MAP2K5: variants seen among roughly 807,000 people sequenced by gnomAD.
The protein encoded by MAP2K5 is dual specificity mitogen-activated protein kinase kinase 5.
MAP2K5 carries 49 observed loss-of-function variants against 83.1 expected under a neutral mutation model. The ratio of observed to expected loss-of-function variants is 0.59; its 90% CI spans 0.47 to 0.75. The LOEUF is 0.75. Among genes scored for constraint, MAP2K5 ranks in the 30% least tolerant of loss-of-function variants. The probability of loss-of-function intolerance (pLI) is 0.00; values close to 1 mark genes in which losing one functional copy is unlikely to be tolerated. For synonymous variants in MAP2K5, 202 were observed against 191.8 expected (o/e 1.05, Z -0.44); for missense variants, 457 against 557.5 (o/e 0.82, Z 1.82).
chr15:67,739,883 A>G (rs1027884438), intron 17 of MAP2K5, among the ~76,000 whole-genome samples: 10 of 152,178 alleles, frequency 6.6e-5, no homozygotes, highest in African/African-American at 2.4e-4. Context: ...ATATCATGGT[A>G]AAAAAATGTT....
intron 21 of MAP2K5, among the ~76,000 whole-genome samples, chr15:67,784,799 A>G (rs1201847370): frequency 6.6e-6 from 1 of 152,202 alleles, no homozygotes; most frequent in East Asian, 1.9e-4. Context: ...CATCATGGGT[A>G]TAGAAATGGG....
chr15:67,570,781 T>C (rs191580815), intron 3 of MAP2K5, among the ~76,000 whole-genome samples: 5 of 152,346 alleles, frequency 3.3e-5, no homozygotes, highest in Admixed American at 2.0e-4. Context: ...GTTAGTTTAT[T>C]GATTATTGCT....
intron 19 of MAP2K5, among the ~76,000 whole-genome samples, chr15:67,759,802 G>A (rs1461190274): frequency 6.6e-6 from 1 of 152,166 alleles, no homozygotes; most frequent in Non-Finnish European, 1.5e-5. Flanking sequence ...TCTGACTATA[G>A]TGATTAACTC....
chr15:67,597,608 C>T (rs2085556256), intron 7 of MAP2K5, among the ~76,000 whole-genome samples: 1 of 152,208 alleles, frequency 6.6e-6, no homozygotes, highest in African/African-American at 2.4e-5. Context: ...ATAATGAACA[C>T]TCTTCCTATG....
rs1409090257 is a variant in MAP2K5, at chr15:67,638,119, A to G, written c.585+7192A>G. ...AGGGGTACATGTGCAGGTTTGTTAT[A>G]TAAGTATACTTGTGCCATGGGGGTT... On this transcript the variant is annotated intron_variant, in intron 9 of 21. Transcript: ENST00000178640. The surrounding 1 kb of genome is among the most constrained non-coding windows in gnomAD (Gnocchi z 4.5). 6.6e-6 allele frequency among the ~76,000 whole-genome samples: 1 copy of G among 152,026 alleles called. No individual in the cohort carries two copies. The highest frequency in any genetic ancestry group is 1.9e-4 in the East Asian group (1 of 5,184).
In MAP2K5 at chr15:67,781,309, C is replaced by T. The variant is rs1316113713; in HGVS notation, c.1242+8557C>T. On this transcript the variant is annotated intron_variant, in intron 21 of 21. Transcript: ENST00000178640. The surrounding 1 kb of genome is among the most constrained non-coding windows in gnomAD (Gnocchi z 4.0). ...GAGCTGGGGAAAATATTAGAAAGCTCCTATTTACAGTTGTGCCAGCTGGAT... is the reference window on the plus strand; with the variant it reads ...GAGCTGGGGAAAATATTAGAAAGCTTCTATTTACAGTTGTGCCAGCTGGAT... 6.6e-6 allele frequency among the ~76,000 whole-genome samples: 1 copy of T among 152,096 alleles called. No homozygotes were observed. The highest frequency in any genetic ancestry group is 6.5e-5 in the Admixed American group (1 of 15,268).
chr15:67,681,652 A>G (rs72751407), intron 13 of MAP2K5, among the ~76,000 whole-genome samples: 21,321 of 152,172 alleles, frequency 0.14, 1,601 homozygotes, highest in East Asian at 0.22. Context: ...TTAAATTAGG[A>G]AACACCTAAA....
intron 15 of MAP2K5, among the ~76,000 whole-genome samples, chr15:67,701,421 A>G (rs554518516): frequency 1.3e-5 from 2 of 152,306 alleles, no homozygotes; most frequent in South Asian, 4.2e-4. Context: ...CCTCTTAGGA[A>G]AAATAGACTA....
rs2085098130 is a variant in MAP2K5, at chr15:67,577,936, G to A, written c.253-2818G>A. On this transcript the variant is annotated intron_variant, in intron 3 of 21. Transcript: ENST00000178640. This position sits in a 1 kb window ranked among gnomAD's most constrained non-coding sequence, Gnocchi z 4.1. ...AATTGCTTGAACCTGGGAGGTGTAG[G>A]TTGCAGTGGGCCAAGATTGTGCCAC... Among the ~76,000 whole-genome samples, 2 of 152,080 alleles carry A rather than the reference G, an allele frequency of 1.3e-5. No individual in the cohort carries two copies. The highest frequency in any genetic ancestry group is 2.9e-5 in the Non-Finnish European group (2 of 68,004).
Position 67,708,304 on chromosome 15 carries a change from C to A in MAP2K5, c.1044+4896C>A, listed in dbSNP as rs1486061740. ...CACCACCACACTCCAGCCTAGTCAACAGAGCAAGATGCTGTCTTAAAAAAA... is the reference window on the plus strand; with the variant it reads ...CACCACCACACTCCAGCCTAGTCAAAAGAGCAAGATGCTGTCTTAAAAAAA... On this transcript the variant is annotated intron_variant, in intron 16 of 21. Transcript: ENST00000178640. The surrounding 1 kb of genome is among the most constrained non-coding windows in gnomAD (Gnocchi z 4.9). 6.6e-6 allele frequency among the ~76,000 whole-genome samples: 1 copy of A among 151,008 alleles called. No homozygotes were observed. The highest frequency in any genetic ancestry group is 1.5e-5 in the Non-Finnish European group (1 of 67,882).
Position 67,752,309 on chromosome 15 carries a change from C to T in MAP2K5, c.1134+3708C>T, listed in dbSNP as rs371391649. 4.9e-4 allele frequency among the ~76,000 whole-genome samples: 74 copies of T among 151,886 alleles called. No homozygotes were observed. In the South Asian group the frequency reaches 5.6e-3, roughly 12 times the overall value. ...CTCGAACTCCTGACCTCAAGTGATC[C>T]GCCTACCTTGGCCTCCCAAAGTGCT... is the stretch of plus-strand genomic sequence containing the variant. On this transcript the variant is annotated intron_variant, in intron 19 of 21. Coordinates refer to ENST00000178640, the MANE Select transcript of MAP2K5 (RefSeq NM_145160.3).
chr15:67,776,849 A>G (rs1310841517), intron 21 of MAP2K5, among the ~76,000 whole-genome samples: 1 of 152,144 alleles, frequency 6.6e-6, no homozygotes. Flanking sequence ...TTCACTGTGT[A>G]ACCTCAGCCA....
intron 9 of MAP2K5, among the ~76,000 whole-genome samples, chr15:67,632,628 A>C (rs921502499): frequency 6.6e-6 from 1 of 152,176 alleles, no homozygotes; most frequent in African/African-American, 2.4e-5. Flanking sequence ...TCTGATCTTC[A>C]TCTATCTTTT....
At chr15:67,684,033 T>G (rs570164535) in intron 13 of MAP2K5, among the ~76,000 whole-genome samples, 307 of 151,744 alleles carry the variant, frequency 2.0e-3, no homozygotes, top group Non-Finnish European at 3.1e-3. Flanking sequence ...GAATTTGGAG[T>G]TCAAGGAGAC....
rs1206113084 is a variant in MAP2K5 at position 67,724,868 on chromosome 15, G to A, written c.1045-3048G>A. Among the ~76,000 whole-genome samples the A allele has an allele frequency of 6.6e-6, 1 of 152,224 alleles. No individual in the cohort carries two copies. The highest frequency in any genetic ancestry group is 1.5e-5 in the Non-Finnish European group (1 of 68,022). Reference sequence around the variant, plus strand: ...GATTCCCAAGTCTTTCAACAGCCCAGTGGTGACACTCTGTAAGAGAGGAAG... The same window carrying A: ...GATTCCCAAGTCTTTCAACAGCCCAATGGTGACACTCTGTAAGAGAGGAAG... On this transcript the variant is annotated intron_variant, in intron 16 of 21. Coordinates refer to ENST00000178640, the MANE Select transcript of MAP2K5 (RefSeq NM_145160.3). The surrounding 1 kb of genome is among the most constrained non-coding windows in gnomAD (Gnocchi z 4.4).
At position 67,580,885 on chromosome 15, in the gene MAP2K5, A is replaced by G. The variant is rs550512375; in HGVS notation, c.322+62A>G. On this transcript the variant is annotated intron_variant, in intron 4 of 21. Transcript: ENST00000178640. ...TCAGTAAACTGTTTCATCAACAGTT[A>G]TGTTTCCAAAGGTTTAAATGCACAT... 3.5e-5 allele frequency: 39 copies of G among 1,106,468 alleles called. No homozygotes were observed. The East Asian group carries it at 8.8e-4, about 25-fold the overall frequency. 68.5% of individuals were successfully genotyped at this position (1,106,468 alleles called of 1,614,324 possible).
Position 67,563,142 on chromosome 15 carries a change from C to A in MAP2K5, c.185-141C>A. On this transcript the variant is annotated intron_variant, in intron 2 of 21. Coordinates refer to ENST00000178640, the MANE Select transcript of MAP2K5 (RefSeq NM_145160.3). This position sits in a 1 kb window ranked among gnomAD's most constrained non-coding sequence, Gnocchi z 4.5. The stretch of plus-strand genomic sequence containing the variant: ...ATATTCCAAATGGAAAACAAAACAA[C>A]AAACTAATAATGTCAACATACCCCC... The A allele has an allele frequency of 1.1e-6, 1 of 878,234 alleles. No homozygotes were observed. Among genetic ancestry groups the A allele is most frequent in the Non-Finnish European group, 1.6e-6 (1 of 619,412 alleles). The allele number at this position is 878,234 out of a possible 1,614,324, so 54.4% of individuals were successfully genotyped here. A position where few individuals can be genotyped will look rare whatever the true frequency, so the allele number is the denominator to read the frequency against.
intron 12 of MAP2K5, among the ~76,000 whole-genome samples, chr15:67,661,145 A>G (rs928617952): frequency 2.6e-5 from 4 of 152,054 alleles, no homozygotes; most frequent in Non-Finnish European, 4.4e-5. Context: ...ATGTATGGCA[A>G]GAGAGTTTTT....
At chr15:67,654,299 A>G (rs1187401704) in intron 11 of MAP2K5, among the ~76,000 whole-genome samples, 2 of 152,146 alleles carry the variant, frequency 1.3e-5, no homozygotes, top group African/African-American at 4.8e-5. Context: ...TCTAGTAACA[A>G]TATTTAACAA....
Sources: gnomAD v4.1 joint callset for allele counts (sites outside exome capture counted in the v4.1 genomes callset) on GRCh38, gnomAD v4.1.1 for gene constraint, Gnocchi (gnomAD v3.1) non-coding constraint, MANE v1.5 for transcripts, NCBI Gene and HGNC (gene_info 2026-07-23, HGNC 2026-07-21) for gene names.